ANXA8: variants seen among roughly 807,000 people sequenced by gnomAD.
ANXA8 encodes the protein annexin A8.
Under a neutral mutation model 26.8 loss-of-function variants are expected in ANXA8, and 9 were observed. The observed-to-expected ratio is 0.34, with a 90% CI of 0.20 to 0.59. The LOEUF (loss-of-function observed/expected upper bound fraction) is 0.59, where lower values mean the gene tolerates loss of function less well. Among genes scored for constraint, ANXA8 ranks in the 20% least tolerant of loss-of-function variants. The probability of loss-of-function intolerance (pLI) is 0.84; values close to 1 mark genes in which losing one functional copy is unlikely to be tolerated. For missense variants in ANXA8, 83 were observed against 238.5 expected (o/e 0.35, Z 4.29); for synonymous variants, 39 against 94.8 (o/e 0.41, Z 3.42).
the ANXA8 span, among the ~76,000 whole-genome samples, chr10:47,973,649 A>G: frequency 6.6e-6 from 1 of 150,856 alleles, no homozygotes; most frequent in Non-Finnish European, 1.5e-5. Context: ...GCATTTCATT[A>G]CTTCAGATCT....
the ANXA8 span, among the ~76,000 whole-genome samples, chr10:47,618,604 T>C: frequency 2.6e-5 from 3 of 115,066 alleles, 1 homozygote; most frequent in Non-Finnish European, 5.7e-5. Flanking sequence ...AGGTTATCCA[T>C]TAAAAAACAA....
chr10:47,521,325 T>C, the ANXA8 span, among the ~76,000 whole-genome samples: 3 of 140,464 alleles, frequency 2.1e-5, no homozygotes, highest in Non-Finnish European at 4.6e-5. Context: ...ATACAAGTAC[T>C]TACATGCTTT....
the ANXA8 span, among the ~76,000 whole-genome samples, chr10:47,489,240 G>A: frequency 3.1e-4 from 42 of 137,616 alleles, 1 homozygote; most frequent in African/African-American, 7.0e-4. Context: ...GGATGGTCTC[G>A]ATCTCCTGAC....
chr10:47,649,283 C>G, the ANXA8 span, among the ~76,000 whole-genome samples: 1 of 151,662 alleles, frequency 6.6e-6, no homozygotes, highest in East Asian at 1.9e-4. Context: ...ATTTATTTAT[C>G]CGAATTATTC....
the ANXA8 span, among the ~76,000 whole-genome samples, chr10:47,560,450 TGTA>T: frequency 6.6e-6 from 1 of 151,678 alleles, no homozygotes; most frequent in Admixed American, 6.6e-5. Flanking sequence ...CGTGAATTTA[TGTA>T]GAAGTAATGA....
the ANXA8 span, among the ~76,000 whole-genome samples, chr10:47,672,884 T>C: frequency 6.6e-6 from 1 of 151,524 alleles, no homozygotes; most frequent in Non-Finnish European, 1.5e-5. Flanking sequence ...GGATAAGAAG[T>C]ACGGTTTCTA....
chr10:47,654,144 A>G, the ANXA8 span, among the ~76,000 whole-genome samples: 3 of 151,574 alleles, frequency 2.0e-5, no homozygotes, highest in East Asian at 5.8e-4. Context: ...GGTAGTGGTG[A>G]CGTTGTAAGA....
the ANXA8 span, among the ~76,000 whole-genome samples, chr10:47,624,996 C>T: frequency 2.9e-5 from 1 of 34,174 alleles, no homozygotes; most frequent in Non-Finnish European, 5.0e-5. Context: ...CAATTGCAAA[C>T]TGCTGATTTA....
At chr10:47,900,487 A>G in the ANXA8 span, among the ~76,000 whole-genome samples, 1 of 141,482 alleles carries the variant, frequency 7.1e-6, no homozygotes. Context: ...TTTGATTGAA[A>G]CAGAATCACA....
the ANXA8 span, among the ~76,000 whole-genome samples, chr10:47,702,753 C>T: frequency 6.6e-6 from 1 of 151,918 alleles, no homozygotes; most frequent in South Asian, 2.1e-4. Context: ...CCCACTTCAG[C>T]CTTCCAAGTA....
the ANXA8 span, among the ~76,000 whole-genome samples, chr10:47,533,185 TCA>T: frequency 0.015 from 1,555 of 101,982 alleles, 26 homozygotes; most frequent in South Asian, 0.034. Context: ...TAAACACACA[TCA>T]CACACACACA....
At chr10:47,743,317 T>TAC in the ANXA8 span, among the ~76,000 whole-genome samples, 2 of 40,892 alleles carry the variant, frequency 4.9e-5, no homozygotes, top group African/African-American at 8.4e-5. Flanking sequence ...TATATACACA[T>TAC]ATATATATAT....
Position 47,476,295 on chromosome 10 carries a change from T to A in ANXA8, c.349A>T (p.Ile117Phe). The A allele has an allele frequency of 7.9e-6, 4 of 507,748 alleles. No homozygotes were observed. The highest frequency in any genetic ancestry group is 1.2e-5 in the Non-Finnish European group (4 of 341,846). 31.5% of individuals were successfully genotyped at this position (507,748 alleles called of 1,614,324 possible). A position where few individuals can be genotyped will look rare whatever the true frequency, so the allele number is the denominator to read the frequency against. ...TTGGTCCGAGAGGCCAGGATCTCAA[T>A]GATGACACCCTCCTTGGTTCCTAAG... The part of the protein sequence containing the change: ...KGLGTKEGVI[I>F]EILASRTKNQ... Residue 117 changes from isoleucine (I) to phenylalanine (F), a missense_variant, in exon 5 of 12, where the codon ATT becomes TTT. Around this residue, in one of 6 missense-constraint regions of ANXA8, gnomAD observed 16 missense variants for 16.3 expected, o/e 0.98. Transcript: ENST00000585281.
At chr10:47,669,454 C>T in the ANXA8 span, among the ~76,000 whole-genome samples, 1 of 151,366 alleles carries the variant, frequency 6.6e-6, no homozygotes, top group Non-Finnish European at 1.5e-5. Context: ...CGTGGTGGCT[C>T]AGGCCTGTAA....
chr10:47,627,145 T>C, the ANXA8 span, among the ~76,000 whole-genome samples: 551 of 149,920 alleles, frequency 3.7e-3, 8 homozygotes, highest in African/African-American at 0.013. Flanking sequence ...GCATGCTGAC[T>C]GTACTCCTCT....
At chr10:47,596,005 A>G in the ANXA8 span, among the ~76,000 whole-genome samples, 1 of 147,328 alleles carries the variant, frequency 6.8e-6, no homozygotes, top group Non-Finnish European at 1.5e-5. Flanking sequence ...GAGTGATCAC[A>G]TATGCAGTTA....
chr10:47,497,026 A>G, the ANXA8 span, among the ~76,000 whole-genome samples: 3 of 151,118 alleles, frequency 2.0e-5, no homozygotes, highest in Non-Finnish European at 4.4e-5. Context: ...TCAAACGTTA[A>G]AATTTTTTTT....
the ANXA8 span, among the ~76,000 whole-genome samples, chr10:47,937,336 G>A: frequency 6.7e-6 from 1 of 149,622 alleles, no homozygotes; most frequent in Non-Finnish European, 1.5e-5. Context: ...TTCCATAGTA[G>A]TCAAATGAAG....
the ANXA8 span, chr10:47,502,430 T>A: frequency 2.2e-5 from 36 of 1,611,198 alleles, 1 homozygote; most frequent in East Asian, 4.2e-4. Flanking sequence ...TTGGAACGGA[T>A]CCACCATTCC....
Sources: allele counts gnomAD v4.1 joint callset (sites outside exome capture counted in the v4.1 genomes callset), GRCh38; gene constraint gnomAD v4.1.1; regional missense constraint gnomAD v4.1.1; transcripts MANE v1.5; gene names NCBI Gene and HGNC (gene_info 2026-07-23, HGNC 2026-07-21).